The following NAA11 variants were observed in gnomAD, a reference collection of about 807,000 sequenced individuals.
NAA11 encodes N-alpha-acetyltransferase 11.
NAA11 carries 15 observed loss-of-function variants against 16.1 expected under a neutral mutation model. That is an observed-to-expected ratio of 0.93 (90% CI 0.62 to 1.44). The LOEUF is 1.44. Ranked by LOEUF, NAA11 falls within the 40% of genes most tolerant of loss-of-function variation. The pLI, the probability that NAA11 is intolerant of heterozygous loss-of-function variation, is 0.00. For synonymous variants in NAA11, 122 were observed against 112.4 expected (o/e 1.09, Z -0.54); for missense variants, 298 against 291.3 (o/e 1.02, Z -0.17).
At chr4:79,156,457 C>T in the NAA11 span, among the ~76,000 whole-genome samples, 2 of 152,090 alleles carry the variant, frequency 1.3e-5, no homozygotes, top group Non-Finnish European at 2.9e-5. Flanking sequence ...CAGGATGGAC[C>T]AGCAGGCTGG....
the NAA11 span, among the ~76,000 whole-genome samples, chr4:79,170,023 A>T: frequency 6.6e-6 from 1 of 152,158 alleles, no homozygotes; most frequent in African/African-American, 2.4e-5. Context: ...CGCCCACAAG[A>T]GGTGGATTTA....
chr4:79,160,349 AT>A, the NAA11 span, among the ~76,000 whole-genome samples: 1 of 152,106 alleles, frequency 6.6e-6, no homozygotes, highest in Non-Finnish European at 1.5e-5. Flanking sequence ...ATGCGTACAC[AT>A]TTTTTATGGA....
chr4:79,179,461 TA>T, the NAA11 span, among the ~76,000 whole-genome samples: 2 of 152,220 alleles, frequency 1.3e-5, no homozygotes, highest in Admixed American at 1.3e-4. Flanking sequence ...AAAGGCCTAT[TA>T]AAAAGTACTA....
At chr4:79,320,910 T>C (rs929376114) in intron 1 of NAA11, among the ~76,000 whole-genome samples, 2 of 152,252 alleles carry the variant, frequency 1.3e-5, no homozygotes, top group African/African-American at 4.8e-5. Context: ...TCCTGTTCTT[T>C]CTTTCTTCAC....
the NAA11 span, among the ~76,000 whole-genome samples, chr4:79,172,082 G>A: frequency 3.3e-5 from 5 of 152,050 alleles, no homozygotes; most frequent in Non-Finnish European, 7.4e-5. Flanking sequence ...GACAGGAAAA[G>A]GTATGAAATC....
intron 2 of NAA11, among the ~76,000 whole-genome samples, chr4:79,237,890 A>G (rs926842013): frequency 6.6e-6 from 1 of 152,344 alleles, no homozygotes; most frequent in East Asian, 1.9e-4. Flanking sequence ...CTGCAAATCA[A>G]TGCATATGTG....
intron 1 of NAA11, among the ~76,000 whole-genome samples, chr4:79,298,537 T>A (rs1311462312): frequency 6.6e-6 from 1 of 152,230 alleles, no homozygotes; most frequent in Non-Finnish European, 1.5e-5. Context: ...GTGCCCCTGG[T>A]CTGGCTGTAG....
At chr4:79,281,418 G>C (rs940170400) in intron 2 of NAA11, among the ~76,000 whole-genome samples, 1 of 151,300 alleles carries the variant, frequency 6.6e-6, no homozygotes, top group Non-Finnish European at 1.5e-5. Flanking sequence ...TAAAATCAAG[G>C]CCCATTAATT....
intron 1 of NAA11, chr4:79,308,377 G>C (rs1181243523): frequency 2.0e-5 from 3 of 152,232 alleles, no homozygotes; most frequent in East Asian, 3.9e-4. Context: ...CTGTGCTTCA[G>C]AGCTGTCTTA....
intron 2 of NAA11, among the ~76,000 whole-genome samples, chr4:79,283,253 G>A (rs1004634620): frequency 6.6e-6 from 1 of 151,948 alleles, no homozygotes; most frequent in Non-Finnish European, 1.5e-5. Flanking sequence ...AGGGATAGTA[G>A]TGAATAAAAT....
chr4:79,176,685 C>T, the NAA11 span, among the ~76,000 whole-genome samples: 1 of 152,100 alleles, frequency 6.6e-6, no homozygotes, highest in East Asian at 1.9e-4. Context: ...CTGGGTACTT[C>T]GACCTATACA....
At chr4:79,187,276 T>C in the NAA11 span, among the ~76,000 whole-genome samples, 1 of 152,200 alleles carries the variant, frequency 6.6e-6, no homozygotes, top group South Asian at 2.1e-4. Flanking sequence ...GGATGTACCA[T>C]GCCAGGTTCA....
intron 1 of NAA11, among the ~76,000 whole-genome samples, chr4:79,323,611 G>A (rs1289377577): frequency 2.0e-5 from 3 of 152,192 alleles, no homozygotes; most frequent in Non-Finnish European, 4.4e-5. Flanking sequence ...ACGAGGTCAG[G>A]AGATCAAGAC....
the NAA11 span, among the ~76,000 whole-genome samples, chr4:79,175,443 C>T: frequency 2.0e-5 from 3 of 152,078 alleles, no homozygotes; most frequent in African/African-American, 7.2e-5. Flanking sequence ...AACAGGTCTT[C>T]TTTCTTTGTC....
chr4:79,188,402 G>T, the NAA11 span, among the ~76,000 whole-genome samples: 3 of 151,960 alleles, frequency 2.0e-5, no homozygotes, highest in Non-Finnish European at 4.4e-5. Context: ...TGGCTAACGC[G>T]GTGAAACCCC....
At chr4:79,242,578 C>T (rs1279879913) in intron 2 of NAA11, among the ~76,000 whole-genome samples, 3 of 152,200 alleles carry the variant, frequency 2.0e-5, no homozygotes, top group African/African-American at 7.2e-5. Context: ...CCCTGGTCCT[C>T]CTTAGTCCTC....
At chr4:79,161,706 G>A in the NAA11 span, among the ~76,000 whole-genome samples, 91 of 145,672 alleles carry the variant, frequency 6.2e-4, no homozygotes, top group Admixed American at 2.4e-3. Flanking sequence ...ATGGAGTCTT[G>A]CTCTGTCGCC....
At chr4:79,284,047 T>A (rs1722855433) in intron 2 of NAA11, among the ~76,000 whole-genome samples, 1 of 152,116 alleles carries the variant, frequency 6.6e-6, no homozygotes, top group African/African-American at 2.4e-5. Flanking sequence ...TCAGGGTAGA[T>A]GGGGCAGTAC....
At chr4:79,156,930 C>T in the NAA11 span, among the ~76,000 whole-genome samples, 2 of 152,110 alleles carry the variant, frequency 1.3e-5, no homozygotes, top group African/African-American at 4.8e-5. Flanking sequence ...GAATTAAATA[C>T]AGATAGTGTT....
Sources: allele counts gnomAD v4.1 joint callset (sites outside exome capture counted in the v4.1 genomes callset), GRCh38; gene constraint gnomAD v4.1.1; transcripts MANE v1.5; gene names NCBI Gene and HGNC (gene_info 2026-07-23, HGNC 2026-07-21).